The following PTPRD variants were observed in gnomAD, a reference collection of about 807,000 sequenced individuals.
The protein encoded by PTPRD is receptor-type tyrosine-protein phosphatase delta.
Under a neutral mutation model 214.5 loss-of-function variants are expected in PTPRD, and 34 were observed. The observed-to-expected ratio is 0.16, with a 90% CI of 0.12 to 0.21. The LOEUF (loss-of-function observed/expected upper bound fraction) is 0.21, where lower values mean the gene tolerates loss of function less well. Ranked by LOEUF, PTPRD falls within the 10% of genes least tolerant of loss-of-function variation. PTPRD has a pLI of 1.00. For synonymous variants in PTPRD, 1,128 were observed against 845.7 expected (o/e 1.33, Z -5.79); for missense variants, 2,545 against 2,398.7 (o/e 1.06, Z -1.27).
chr9:10,380,043 T>C (rs963457570), intron 2 of PTPRD, among the ~76,000 whole-genome samples: 3 of 152,054 alleles, frequency 2.0e-5, no homozygotes, highest in African/African-American at 7.2e-5. Context: ...CACAGCAAGC[T>C]GGAAATGCTG....
intron 2 of PTPRD, among the ~76,000 whole-genome samples, chr9:10,497,368 T>C (rs2042376669): frequency 6.6e-6 from 1 of 152,006 alleles, no homozygotes; most frequent in Non-Finnish European, 1.5e-5. Context: ...GTATACTAGA[T>C]TGTAAGCTCC....
At chr9:10,399,795 C>A (rs1327868223) in intron 2 of PTPRD, among the ~76,000 whole-genome samples, 2 of 151,800 alleles carry the variant, frequency 1.3e-5, no homozygotes, top group South Asian at 2.1e-4. Flanking sequence ...ATTAAAGAAA[C>A]TGAAAATAGT....
rs182662651 is a variant in PTPRD, at chr9:9,576,685, C to T, written c.-286-1904G>A. On this transcript the variant is annotated intron_variant, in intron 7 of 45. Transcript: ENST00000381196. Reference sequence around the variant, plus strand: ...AACATTTGGCTGAAGCTAAATATTACCATTGTAGAATAAACTTCTTGGATA... The same window carrying T: ...AACATTTGGCTGAAGCTAAATATTATCATTGTAGAATAAACTTCTTGGATA... 2.8e-3 allele frequency among the ~76,000 whole-genome samples: 429 copies of T among 152,154 alleles called. 1 individual carries two copies. Among genetic ancestry groups the T allele is most frequent in the African/African-American group, 9.7e-3 (403 of 41,522 alleles).
chr9:8,552,734 T>C (rs1306363908), intron 14 of PTPRD, among the ~76,000 whole-genome samples: 2 of 152,180 alleles, frequency 1.3e-5, no homozygotes, highest in East Asian at 3.9e-4. Flanking sequence ...TACTCTCGCT[T>C]TGCCCTCTGT....
chr9:10,163,579 G>T (rs2099141741), intron 3 of PTPRD, among the ~76,000 whole-genome samples: 1 of 151,246 alleles, frequency 6.6e-6, no homozygotes, highest in African/African-American at 2.4e-5. Flanking sequence ...CCAAATTCAT[G>T]CTATCAGTTT....
In PTPRD at chr9:9,365,401, T is replaced by C. The variant is rs886908387; in HGVS notation, c.-203+32048A>G. Among the ~76,000 whole-genome samples, 37 of 151,604 alleles carry C rather than the reference T, an allele frequency of 2.4e-4. 1 individual carries two copies. The highest frequency in any genetic ancestry group is 8.7e-4 in the African/African-American group (36 of 41,360). ...TTATGCACTGAAGAAATAATGTCTT[T>C]ATTCATTCACCTCTATTTTACAATT... On this transcript the variant is annotated intron_variant, in intron 9 of 45. Coordinates refer to ENST00000381196, the MANE Select transcript of PTPRD (RefSeq NM_002839.4).
chr9:9,959,330 G>A (rs971951624), intron 4 of PTPRD, among the ~76,000 whole-genome samples: 1 of 152,124 alleles, frequency 6.6e-6, no homozygotes, highest in Admixed American at 6.6e-5. Context: ...TGTTTCCAGA[G>A]CCTCGAGAGG....
chr9:10,297,295 T>G (rs764417775), intron 3 of PTPRD, among the ~76,000 whole-genome samples: 9 of 151,926 alleles, frequency 5.9e-5, no homozygotes, highest in Non-Finnish European at 1.3e-4. Flanking sequence ...TTTTAAGTAT[T>G]TGAATCATAT....
chr9:10,273,449 GA>G (rs1222500700), intron 3 of PTPRD, among the ~76,000 whole-genome samples: 2 of 152,058 alleles, frequency 1.3e-5, no homozygotes, highest in Non-Finnish European at 2.9e-5. Flanking sequence ...TGGTATATTA[GA>G]GTTAGATAAA....
chr9:10,416,723 A>C (rs1186162749), intron 2 of PTPRD, among the ~76,000 whole-genome samples: 1 of 151,858 alleles, frequency 6.6e-6, no homozygotes, highest in African/African-American at 2.4e-5. Context: ...TAGAGACTTA[A>C]GAGTATCTCT....
At chr9:10,237,998 T>G (rs1460788696) in intron 3 of PTPRD, among the ~76,000 whole-genome samples, 1 of 151,682 alleles carries the variant, frequency 6.6e-6, no homozygotes, top group Admixed American at 6.6e-5. Flanking sequence ...TTGTTACCTA[T>G]TAATTGCAGC....
At chr9:10,388,817 T>TGA (rs2097986922) in intron 2 of PTPRD, among the ~76,000 whole-genome samples, 1 of 151,798 alleles carries the variant, frequency 6.6e-6, no homozygotes, top group African/African-American at 2.4e-5. Flanking sequence ...GGAATAGAGG[T>TGA]AGAAATGCAT....
intron 3 of PTPRD, among the ~76,000 whole-genome samples, chr9:10,193,273 T>C (rs1273802787): frequency 6.6e-6 from 1 of 152,150 alleles, no homozygotes; most frequent in Non-Finnish European, 1.5e-5. Flanking sequence ...CTGAAAATTT[T>C]TACTTTATTT....
At chr9:10,184,507 A>C (rs1000119613) in intron 3 of PTPRD, among the ~76,000 whole-genome samples, 3 of 152,206 alleles carry the variant, frequency 2.0e-5, no homozygotes, top group African/African-American at 4.8e-5. Flanking sequence ...ATTAGGGTAC[A>C]TGGATCTGTG....
At chr9:9,755,982 T>C (rs986023153) in intron 6 of PTPRD, among the ~76,000 whole-genome samples, 1 of 151,940 alleles carries the variant, frequency 6.6e-6, no homozygotes, top group African/African-American at 2.4e-5. Context: ...TAGAAAATAA[T>C]TAGACCGAGG....
intron 11 of PTPRD, among the ~76,000 whole-genome samples, chr9:8,953,257 T>C (rs966990380): frequency 7.2e-5 from 11 of 151,894 alleles, no homozygotes; most frequent in Middle Eastern, 6.8e-3. Context: ...AAATGAGAAA[T>C]GCCCAGATAG....
intron 10 of PTPRD, among the ~76,000 whole-genome samples, chr9:9,030,276 CTTTTTTTTTT>C (rs71317396): frequency 1.8e-4 from 7 of 37,928 alleles, no homozygotes; most frequent in Admixed American, 4.6e-4. Flanking sequence ...CACACTTGGG[CTTTTTTTTTT>C]TTTTTTTTTT....
intron 3 of PTPRD, among the ~76,000 whole-genome samples, chr9:10,092,975 G>A (rs186106716): frequency 1.1e-3 from 164 of 151,656 alleles, no homozygotes; most frequent in African/African-American, 3.8e-3. Flanking sequence ...AGATTTAGAT[G>A]TAAAACTTCA....
At chr9:8,899,033 T>C (rs2154249745) in intron 11 of PTPRD, among the ~76,000 whole-genome samples, 1 of 152,322 alleles carries the variant, frequency 6.6e-6, no homozygotes, top group South Asian at 2.1e-4. Flanking sequence ...TCTGCATCAG[T>C]GATCCACCTA....
Sources: gnomAD v4.1 joint callset for allele counts (sites outside exome capture counted in the v4.1 genomes callset) on GRCh38, gnomAD v4.1.1 for gene constraint, MANE v1.5 for transcripts, NCBI Gene and HGNC (gene_info 2026-07-23, HGNC 2026-07-21) for gene names.